The following AR variants were observed in gnomAD, a reference collection of about 807,000 sequenced individuals.
AR encodes androgen receptor, also known as dihydrotestosterone receptor.
AR carries 8 observed loss-of-function variants against 53.9 expected under a neutral mutation model. The observed-to-expected ratio is 0.15, with a 90% CI of 0.09 to 0.27. The LOEUF (loss-of-function observed/expected upper bound fraction) is 0.27. AR is among the 10% of genes least tolerant of loss of function. The pLI is 1.00. For missense variants in AR, 639 were observed against 742.5 expected, an observed-to-expected ratio of 0.86 and a Z score of 1.62; for synonymous variants, 359 against 316.4, an observed-to-expected ratio of 1.13 and a Z score of -1.43.
At chrX:67,639,730 G>C (rs1925645816) in intron 1 of AR, among the ~76,000 whole-genome samples, 1 of 111,726 alleles carries the variant, frequency 9.0e-6, no homozygotes, top group Admixed American at 9.5e-5. Context: ...TGAGAGAATG[G>C]GGTTTTCTGA....
At chrX:67,633,025 A>C (rs949209601) in intron 1 of AR, among the ~76,000 whole-genome samples, 2 of 112,375 alleles carry the variant, frequency 1.8e-5, no homozygotes, top group African/African-American at 6.5e-5. Context: ...TATTGGCTTT[A>C]ATGTGGAGGA....
chrX:67,661,738 A>G (rs1174687461), intron 2 of AR, among the ~76,000 whole-genome samples: 4 of 110,813 alleles, frequency 3.6e-5, no homozygotes, highest in African/African-American at 1.3e-4. Context: ...CTCTTTTTCT[A>G]TTTATTGGAA....
At position 67,694,890 on chromosome X, in the gene AR, G is replaced by A. The variant is rs140982926; in HGVS notation, c.1885+8764G>A. The A allele has an allele frequency of 1.2e-3, 1,312 of 1,050,761 alleles. 12 individuals are homozygous for A. The African/African-American group carries it at 0.022, about 17-fold the overall frequency. The allele number at this position is 1,050,761 out of a possible 1,213,427, so 86.6% of individuals were successfully genotyped here. On this transcript the variant is annotated intron_variant, in intron 3 of 7. Coordinates refer to ENST00000374690, the MANE Select transcript of AR (RefSeq NM_000044.6). The stretch of plus-strand genomic sequence containing the variant: ...CTTGATTGCTGACTCCCTCCAGCGG[G>A]ACCAATAGTGTTTTCCTACCTCACA...
intron 1 of AR, among the ~76,000 whole-genome samples, chrX:67,626,034 G>A (rs994792666): frequency 9.0e-6 from 1 of 111,434 alleles, no homozygotes; most frequent in African/African-American, 3.3e-5. Flanking sequence ...GATAAATGAA[G>A]TATCCAGTAC....
At chrX:67,620,460 G>T (rs1655245456) in intron 1 of AR, among the ~76,000 whole-genome samples, 1 of 109,592 alleles carries the variant, frequency 9.1e-6, no homozygotes, top group Admixed American at 9.8e-5. Flanking sequence ...TAAATGGGGA[G>T]AAATTACCAT....
chrX:67,716,528 T>C (rs2076114159), intron 4 of AR, among the ~76,000 whole-genome samples: 1 of 111,681 alleles, frequency 9.0e-6, no homozygotes, highest in Admixed American at 9.5e-5. Flanking sequence ...TCAGTCTAGG[T>C]AGGCAGGTCA....
At chrX:67,593,716 G>A (rs890844154) in intron 1 of AR, among the ~76,000 whole-genome samples, 1 of 112,116 alleles carries the variant, frequency 8.9e-6, no homozygotes, top group Non-Finnish European at 1.9e-5. Context: ...GGACTATTTT[G>A]TCATACAGGC....
At chrX:67,576,271 A>G (rs910508707) in intron 1 of AR, among the ~76,000 whole-genome samples, 2 of 110,961 alleles carry the variant, frequency 1.8e-5, no homozygotes, top group African/African-American at 6.6e-5. Context: ...CCTCAGTGGT[A>G]CTACTGTAAA....
intron 1 of AR, among the ~76,000 whole-genome samples, chrX:67,573,595 GC>G (rs1921920792): frequency 9.0e-6 from 1 of 111,274 alleles, no homozygotes; most frequent in African/African-American, 3.3e-5. Flanking sequence ...CATTTCTATT[GC>G]CTTTTTGAGT....
At position 67,546,514 on chromosome X, in the gene AR, TGGCGGC is replaced by T. The variant is rs746853821; in HGVS notation, c.1415_1420del (p.Gly472_Gly473del). On this transcript the variant is annotated inframe_deletion, in exon 1 of 8. Transcript: ENST00000374690. ...GACCGTGTGGTGGTGGTGGGGGTGGTGGCGGCGGCGGCGGCGGCGGCGGCGGCGGCG... is the reference window on the plus strand; with the variant it reads ...GACCGTGTGGTGGTGGTGGGGGTGGTGGCGGCGGCGGCGGCGGCGGCGGCG... 6,344 of 557,735 alleles carry T rather than the reference TGGCGGC, an allele frequency of 0.011. 418 individuals carry two copies. The African/African-American group carries it at 0.13, about 11-fold the overall frequency. 46.0% of individuals were successfully genotyped at this position (557,735 alleles called of 1,213,427 possible). A position where few individuals can be genotyped will look rare whatever the true frequency, so the allele number is the denominator to read the frequency against.
intron 1 of AR, among the ~76,000 whole-genome samples, chrX:67,599,843 C>T (rs1259871977): frequency 1.8e-5 from 2 of 111,291 alleles, no homozygotes; most frequent in Admixed American, 9.6e-5. Flanking sequence ...ATGTCATTGC[C>T]AGAAAAATCA....
intron 1 of AR, among the ~76,000 whole-genome samples, chrX:67,609,768 C>T (rs1318444732): frequency 3.6e-5 from 4 of 110,925 alleles, no homozygotes; most frequent in African/African-American, 1.3e-4. Flanking sequence ...ATGTTTTTTC[C>T]ACAATATAAT....
intron 1 of AR, among the ~76,000 whole-genome samples, chrX:67,614,206 G>C (rs1924005472): frequency 9.0e-6 from 1 of 111,143 alleles, no homozygotes; most frequent in Admixed American, 9.6e-5. Context: ...GGATTGTGGA[G>C]ATAAGAAGGA....
chrX:67,643,147 G>T, intron 1 of AR, 109 bp from the exon 2 acceptor site: 1 of 961,945 alleles, frequency 1.0e-6, no homozygotes, highest in South Asian at 2.0e-5. Flanking sequence ...CTTGAGCAAT[G>T]AATAATAGTC....
intron 1 of AR, among the ~76,000 whole-genome samples, chrX:67,593,139 A>G (rs1279496389): frequency 9.0e-6 from 1 of 110,987 alleles, no homozygotes; most frequent in Non-Finnish European, 1.9e-5. Context: ...TTAGTTCTTA[A>G]ATGGCATAGT....
At position 67,680,821 on chromosome X, in the gene AR, A is replaced by T. The variant is rs190397033; in HGVS notation, c.1769-5189A>T. On this transcript the variant is annotated intron_variant, in intron 2 of 7. Transcript: ENST00000374690. ...GGGACTGACAGAAAACAACAGAAATAGGAAGAAATCCTACAGAGAAACAAA... is the reference window on the plus strand; with the variant it reads ...GGGACTGACAGAAAACAACAGAAATTGGAAGAAATCCTACAGAGAAACAAA... 265 of 324,655 alleles carry T rather than the reference A, an allele frequency of 8.2e-4. No individual in the cohort carries two copies. Among genetic ancestry groups the T allele is most frequent in the Non-Finnish European group, 1.3e-3 (219 of 167,522 alleles). 26.8% of individuals were successfully genotyped at this position (324,655 alleles called of 1,213,427 possible).
At chrX:67,690,569 A>T (rs2075990461) in intron 3 of AR, among the ~76,000 whole-genome samples, 1 of 111,965 alleles carries the variant, frequency 8.9e-6, no homozygotes, top group African/African-American at 3.2e-5. Context: ...TCATCCTTCC[A>T]GCCAGCCAAG....
At chrX:67,619,692 T>C (rs150400663) in intron 1 of AR, among the ~76,000 whole-genome samples, 3,375 of 111,176 alleles carry the variant, frequency 0.03, 129 homozygotes, top group African/African-American at 0.1. Flanking sequence ...TTGTAAAGAC[T>C]AAATGAGGTT....
Position 67,545,656 on chromosome X carries a change from T to C in AR, c.510T>C (p.Thr170=). ...CCACGTTGTCCCTGCTGGGCCCCAC[T>C]TTCCCCGGCTTAAGCAGCTGCTCCG... ...APSTLSLLGP[T]FPGLSSCSAD... is the part of the protein sequence containing the mutation. The change falls in exon 1 of 8, where the codon ACT becomes ACC. Residue 170 remains threonine, a synonymous_variant. Coordinates refer to ENST00000374690, the MANE Select transcript of AR (RefSeq NM_000044.6). 1 of 1,197,407 alleles carries C rather than the reference T, an allele frequency of 8.4e-7. No homozygotes were observed. Among genetic ancestry groups the C allele is most frequent in the African/African-American group, 1.7e-5 (1 of 57,309 alleles).
Sources: allele counts gnomAD v4.1 joint callset (sites outside exome capture counted in the v4.1 genomes callset), GRCh38; gene constraint gnomAD v4.1.1; transcripts MANE v1.5; gene names NCBI Gene and HGNC (gene_info 2026-07-23, HGNC 2026-07-21).